Variants in ZC3H12C observed in about 807,000 individuals in gnomAD.
The protein encoded by ZC3H12C is zinc finger CCCH-type containing 12C.
In ZC3H12C, 20 loss-of-function variants were observed where a neutral mutation model predicts 76.3. That is an observed-to-expected ratio of 0.26 (90% CI 0.18 to 0.38). The LOEUF (loss-of-function observed/expected upper bound fraction) is 0.38. ZC3H12C is among the 10% of genes least tolerant of loss of function. The pLI is 1.00. For missense variants in ZC3H12C, 874 were observed against 1,086.5 expected, an observed-to-expected ratio of 0.80 and a Z score of 2.75; for synonymous variants, 352 against 399.6, an observed-to-expected ratio of 0.88 and a Z score of 1.42.
intron 1 of ZC3H12C, among the ~76,000 whole-genome samples, chr11:110,101,519 A>G (rs1454385543): frequency 6.6e-6 from 1 of 151,780 alleles, no homozygotes; most frequent in East Asian, 1.9e-4. Context: ...CATTTCGAAA[A>G]ATCGTAAGGC....
chr11:110,159,187 G>A (rs1479137143), intron 3 of ZC3H12C, 69 bp from the exon 4 acceptor site: 14 of 1,201,528 alleles, frequency 1.2e-5, no homozygotes, highest in Non-Finnish European at 1.4e-5. Context: ...GTTTCACATT[G>A]TATGAAAGTT....
intron 4 of ZC3H12C, 27 bp from the exon 5 acceptor site, chr11:110,163,246 A>G: frequency 1.3e-6 from 2 of 1,563,442 alleles, no homozygotes; most frequent in Non-Finnish European, 1.7e-6. Flanking sequence ...CTACTTAGGT[A>G]TCATTTTTTT....
chr11:110,124,977 TGGGAA>T (rs1221521832), intron 1 of ZC3H12C, among the ~76,000 whole-genome samples: 1 of 152,008 alleles, frequency 6.6e-6, no homozygotes, highest in Non-Finnish European at 1.5e-5. Context: ...ATGAGAAAAT[TGGGAA>T]GAGAAAAATA....
rs1420357249 is a variant in ZC3H12C, at chr11:110,164,655, A to T, written c.1570A>T (p.Ile524Phe). ...ETRSVPSLVS[I>F]PATSTAKPQS... Reference sequence around the variant, plus strand: ...CAGGTCTGTACCTTCCTTAGTTAGCATCCCAGCTACTTCTACTGCAAAACC... The same window carrying T: ...CAGGTCTGTACCTTCCTTAGTTAGCTTCCCAGCTACTTCTACTGCAAAACC... Residue 524 changes from isoleucine (I) to phenylalanine (F), a missense_variant, in exon 6 of 6, where the codon ATC becomes TTC. Around this residue, in one of 3 missense-constraint regions of ZC3H12C, gnomAD observed 269 missense variants for 424.9 expected, o/e 0.63. Coordinates refer to ENST00000278590, the MANE Select transcript of ZC3H12C (RefSeq NM_033390.2). The surrounding 1 kb of genome is among the most constrained non-coding windows in gnomAD (Gnocchi z 5.7). 1.2e-6 allele frequency: 2 copies of T among 1,614,052 alleles called. No homozygotes were observed. Among genetic ancestry groups the T allele is most frequent in the Non-Finnish European group, 1.7e-6 (2 of 1,179,896 alleles).
intron 1 of ZC3H12C, among the ~76,000 whole-genome samples, chr11:110,122,098 C>A (rs1360919986): frequency 5.3e-5 from 8 of 152,134 alleles, no homozygotes. Flanking sequence ...ACAAGACATG[C>A]ACGTATCCTC....
At chr11:110,111,519 C>T (rs1193719496) in intron 1 of ZC3H12C, among the ~76,000 whole-genome samples, 3 of 148,038 alleles carry the variant, frequency 2.0e-5, no homozygotes, top group East Asian at 2.0e-4. Context: ...TCTAATTGCC[C>T]GATCTTTGCT....
intron 2 of ZC3H12C, among the ~76,000 whole-genome samples, chr11:110,138,649 C>T (rs781615661): frequency 4.6e-4 from 70 of 152,050 alleles, no homozygotes; most frequent in Non-Finnish European, 8.2e-4. Flanking sequence ...CCTCCGCCCC[C>T]AGGTTCAAGC....
rs1349331331 is a variant in ZC3H12C at position 110,117,882 on chromosome 11, ATATATT to A, written c.22-18780_22-18775del. On this transcript the variant is annotated intron_variant, in intron 1 of 5. Coordinates refer to ENST00000278590, the MANE Select transcript of ZC3H12C (RefSeq NM_033390.2). ...ATATAATATATATACACACACATAT[ATATATT>A]ATATATATACACACACACATATATA... 2.4e-5 allele frequency among the ~76,000 whole-genome samples: 3 copies of A among 126,434 alleles called. 1 individual carries two copies. The highest frequency in any genetic ancestry group is 5.0e-5 in the Non-Finnish European group (3 of 59,980). The allele number at this position is 126,434 out of a possible 152,430, so 82.9% of individuals were successfully genotyped here.
intron 2 of ZC3H12C, among the ~76,000 whole-genome samples, chr11:110,137,940 A>G (rs1450295117): frequency 6.6e-6 from 1 of 152,134 alleles, no homozygotes; most frequent in African/African-American, 2.4e-5. Flanking sequence ...CTGGGGGGAA[A>G]AAAAAGCAAA....
intron 2 of ZC3H12C, among the ~76,000 whole-genome samples, chr11:110,145,953 G>T (rs1398608370): frequency 6.6e-6 from 1 of 152,136 alleles, no homozygotes; most frequent in African/African-American, 2.4e-5. Flanking sequence ...GGTAGAAGAC[G>T]GTTGAGAGAA....
chr11:110,114,948 C>A lies in ZC3H12C; in HGVS notation c.21+21516C>A, dbSNP rs2134156743. Among the ~76,000 whole-genome samples, 2 of 152,170 alleles carry A rather than the reference C, an allele frequency of 1.3e-5. 1 individual carries two copies. The highest frequency in any genetic ancestry group is 6.8e-3 in the Middle Eastern group (2 of 294). On this transcript the variant is annotated intron_variant, in intron 1 of 5. Transcript: ENST00000278590. The stretch of plus-strand genomic sequence containing the variant: ...TTATGACTTTAGGGGAATTCTGTGG[C>A]TAGAAATTTAAATGTTAATGAAATT...
chr11:110,102,405 C>A (rs11213262), intron 1 of ZC3H12C, among the ~76,000 whole-genome samples: 52,914 of 151,412 alleles, frequency 0.35, 10,250 homozygotes, highest in East Asian at 0.65. Flanking sequence ...AAATGTGGAA[C>A]AGATAGCAAG....
intron 1 of ZC3H12C, among the ~76,000 whole-genome samples, chr11:110,112,254 C>T (rs553873996): frequency 1.2e-4 from 19 of 152,148 alleles, no homozygotes; most frequent in South Asian, 6.2e-4. Context: ...GATGGAGTGC[C>T]GTGGCACTAT....
At position 110,165,813 on chromosome 11, in the gene ZC3H12C, C is replaced by T; in HGVS notation, c.*76C>T. 3.0e-6 allele frequency: 4 copies of T among 1,324,282 alleles called. No individual in the cohort carries two copies. Among genetic ancestry groups the T allele is most frequent in the Non-Finnish European group, 3.1e-6 (3 of 977,066 alleles). 82.0% of individuals were successfully genotyped at this position (1,324,282 alleles called of 1,614,324 possible). A position where few individuals can be genotyped will look rare whatever the true frequency, so the allele number is the denominator to read the frequency against. ...CTGAGGGAGGTTTGCTACAATAGCA[C>T]ATGTGATCTCCTTCTCAGCAAGGAG... On this transcript the variant is annotated 3_prime_UTR_variant, in exon 6 of 6. Transcript: ENST00000278590.
rs1862607089 is a variant in ZC3H12C at position 110,167,667 on chromosome 11, TA to T, written c.*1934del. 1 of 152,206 alleles carries T rather than the reference TA, an allele frequency of 6.6e-6. No homozygotes were observed. Among genetic ancestry groups the T allele is most frequent in the African/African-American group, 2.4e-5 (1 of 41,452 alleles). 9.4% of individuals were successfully genotyped at this position (152,206 alleles called of 1,614,324 possible). ...GATTTGGGTATACAGTAAATGCTTC[TA>T]AAAGGCATTGTGCATATTGACATAA... On this transcript the variant is annotated 3_prime_UTR_variant, in exon 6 of 6. Coordinates refer to ENST00000278590, the MANE Select transcript of ZC3H12C (RefSeq NM_033390.2).
chr11:110,093,495 G>A (rs1159230448), intron 1 of ZC3H12C, 63 bp downstream of exon 1: 3 of 1,153,840 alleles, frequency 2.6e-6, no homozygotes, highest in South Asian at 4.3e-5. Flanking sequence ...GGGGTAGCCG[G>A]TCGTGGGGAG....
At chr11:110,103,576 G>A (rs1347256216) in intron 1 of ZC3H12C, among the ~76,000 whole-genome samples, 1 of 151,510 alleles carries the variant, frequency 6.6e-6, no homozygotes, top group African/African-American at 2.4e-5. Flanking sequence ...GCCTGGAGAT[G>A]TTAAGTAGCT....
chr11:110,162,062 G>C (rs555963118), intron 4 of ZC3H12C, among the ~76,000 whole-genome samples: 11 of 152,260 alleles, frequency 7.2e-5, no homozygotes, highest in African/African-American at 7.2e-5. Context: ...TGAACCCCAG[G>C]GGGGCGGAGG....
At chr11:110,144,880 A>T (rs1400192513) in intron 2 of ZC3H12C, among the ~76,000 whole-genome samples, 2 of 152,144 alleles carry the variant, frequency 1.3e-5, no homozygotes, top group African/African-American at 4.8e-5. Context: ...CGTGTCTATC[A>T]TTGGAAGGTA....
Sources: allele counts gnomAD v4.1 joint callset (sites outside exome capture counted in the v4.1 genomes callset), GRCh38; gene constraint gnomAD v4.1.1; regional missense constraint gnomAD v4.1.1; non-coding constraint Gnocchi (gnomAD v3.1); transcripts MANE v1.5; gene names NCBI Gene and HGNC (gene_info 2026-07-23, HGNC 2026-07-21).